The following ZEB2 variants were observed in gnomAD, a reference collection of about 807,000 sequenced individuals.
The protein encoded by ZEB2 is zinc finger E-box-binding homeobox 2.
A neutral mutation model predicts 99.9 loss-of-function variants in ZEB2; 6 were observed. The ratio of observed to expected loss-of-function variants is 0.06; its 90% confidence interval spans 0.03 to 0.12. ZEB2 has a LOEUF of 0.12. Ranked by LOEUF, ZEB2 falls within the 10% of genes least tolerant of loss-of-function variation. ZEB2 has a pLI of 1.00. For missense variants in ZEB2, 969 were observed against 1,502.8 expected (o/e 0.64, Z 5.87); for synonymous variants, 517 against 542.5 (o/e 0.95, Z 0.65).
intron 2 of ZEB2, among the ~76,000 whole-genome samples, chr2:144,464,890 A>T (rs1704250243): frequency 6.6e-6 from 1 of 152,210 alleles, no homozygotes; most frequent in Non-Finnish European, 1.5e-5. Context: ...ACAAGCCTTA[A>T]TGAGGCGATA....
At position 144,398,456 on chromosome 2, in the gene ZEB2, G is replaced by T. The variant is rs1226087957; in HGVS notation, c.2731C>A (p.Pro911Thr). ...QSAFPPATFM[P>T]PVQTSIPGLR... ...CCAGGAATACTGGTCTGGACTGGTG[G>T]CATGAAAGTAGCAGGGGGAAATGCG... The change falls in exon 8 of 10, where the codon CCA becomes ACA. Residue 911 changes from proline (P) to threonine (T), a missense_variant. Pro to Thr is a conservative substitution (Grantham distance 38, BLOSUM62 -1). This residue lies in a region of ZEB2 where 346 missense variants were observed against 460.0 expected (regional missense o/e 0.75). Transcript: ENST00000627532. 1 of 1,614,094 alleles carries T rather than the reference G, an allele frequency of 6.2e-7. No individual in the cohort carries two copies. The highest frequency in any genetic ancestry group is 1.1e-5 in the South Asian group (1 of 91,082).
intron 2 of ZEB2, among the ~76,000 whole-genome samples, chr2:144,492,263 A>T (rs1704692279): frequency 6.6e-6 from 1 of 152,224 alleles, no homozygotes; most frequent in Admixed American, 6.5e-5. Context: ...AAAATAGCCC[A>T]ATTTTCATAA....
chr2:144,479,687 G>C lies in ZEB2; in HGVS notation c.73+37591C>G, dbSNP rs797019213. On this transcript the variant is annotated intron_variant, in intron 2 of 9. Transcript: ENST00000627532. ...AGTGTGTATGCTACTTTTTTTTGGG[G>C]GGGGGGGCGGGGGGTGGACTTTGAA... Among the ~76,000 whole-genome samples the C allele has an allele frequency of 1.1e-4, 12 of 112,056 alleles. 1 individual carries two copies. The East Asian group carries it at 2.3e-3, about 22-fold the overall frequency. 73.5% of individuals were successfully genotyped at this position (112,056 alleles called of 152,430 possible).
intron 2 of ZEB2, among the ~76,000 whole-genome samples, chr2:144,468,618 T>C: frequency 6.6e-6 from 1 of 152,106 alleles, no homozygotes; most frequent in East Asian, 1.9e-4. Context: ...AGTTAGCACA[T>C]GTGTGTGTGC....
At chr2:144,429,684 G>C (rs768446684) in intron 3 of ZEB2, 85 bp downstream of exon 3, 1 of 1,600,332 alleles carries the variant, frequency 6.2e-7, no homozygotes, top group Non-Finnish European at 8.6e-7. Flanking sequence ...TAATTATTTG[G>C]TTGTGGGCGA....
intron 2 of ZEB2, among the ~76,000 whole-genome samples, chr2:144,441,329 GC>G (rs1703915559): frequency 6.6e-6 from 1 of 152,074 alleles, no homozygotes; most frequent in African/African-American, 2.4e-5. Context: ...GGCGGCCTAA[GC>G]CTGGACGTGG....
intron 4 of ZEB2, among the ~76,000 whole-genome samples, chr2:144,412,307 C>CA (rs1703476202): frequency 6.6e-6 from 1 of 152,192 alleles, no homozygotes; most frequent in South Asian, 2.1e-4. Context: ...AGACAATATG[C>CA]ACTTGTCTTT....
At chr2:144,430,659 C>T (rs1056286654) in intron 2 of ZEB2, 1 of 169,164 alleles carries the variant, frequency 5.9e-6, no homozygotes, top group African/African-American at 2.4e-5. Flanking sequence ...ATTAATACTA[C>T]TATTGAGATG....
chr2:144,455,231 C>T (rs1297428137), intron 2 of ZEB2: 1 of 152,294 alleles, frequency 6.6e-6, no homozygotes, highest in South Asian at 2.1e-4. Context: ...TTGCTAACAA[C>T]AAGCAGCCTG....
intron 2 of ZEB2, among the ~76,000 whole-genome samples, chr2:144,484,166 G>A (rs980355241): frequency 1.3e-5 from 1 of 75,784 alleles, no homozygotes; most frequent in East Asian, 3.6e-4. Flanking sequence ...AGTTCTCCAG[G>A]GGAGCTGGAA....
intron 2 of ZEB2, among the ~76,000 whole-genome samples, chr2:144,477,699 A>C (rs1340272063): frequency 2.0e-5 from 3 of 152,314 alleles, no homozygotes; most frequent in South Asian, 2.1e-4. Flanking sequence ...TTTCGTGTGA[A>C]TACCGTGGTG....
At chr2:144,498,922 A>G (rs1226614358) in intron 2 of ZEB2, among the ~76,000 whole-genome samples, 1 of 152,192 alleles carries the variant, frequency 6.6e-6, no homozygotes, top group African/African-American at 2.4e-5. Flanking sequence ...GAATGAATGA[A>G]TGAATAAAGA....
chr2:144,401,820 C>A (rs2149878243), intron 6 of ZEB2, among the ~76,000 whole-genome samples: 1 of 152,028 alleles, frequency 6.6e-6, no homozygotes, highest in South Asian at 2.1e-4. Flanking sequence ...AGAAAAAAAA[C>A]CCAATCCCAA....
intron 2 of ZEB2, among the ~76,000 whole-genome samples, chr2:144,481,498 T>A (rs1365464822): frequency 6.6e-6 from 1 of 152,228 alleles, no homozygotes. Flanking sequence ...GGGAGACTTC[T>A]AAATTCTAGA....
intron 2 of ZEB2, among the ~76,000 whole-genome samples, chr2:144,453,559 ATAAATTAAAATGAGATT>A (rs1476567935): frequency 6.6e-6 from 1 of 152,226 alleles, no homozygotes; most frequent in African/African-American, 2.4e-5. Context: ...GTCACTTTAA[ATAAATTAAAATGAGATT>A]TAGAAAAACA....
Position 144,398,370 on chromosome 2 carries a change from G to A in ZEB2, c.2817C>T (p.Tyr939=). The change falls in exon 8 of 10, where the codon TAC becomes TAT. Residue 939 remains tyrosine, a synonymous_variant. Transcript: ENST00000627532. ...MSFLPHMAYT[Y]PTGAATFADM... ...CAGCAAAAGTAGCTGCTCCAGTTGG[G>A]TAGGTGTAGGCCATATGTGGTAGGA... 1.2e-6 allele frequency: 2 copies of A among 1,614,040 alleles called. No homozygotes were observed. The highest frequency in any genetic ancestry group is 1.7e-5 in the Admixed American group (1 of 60,018).
intron 2 of ZEB2, among the ~76,000 whole-genome samples, chr2:144,476,230 C>T (rs957012278): frequency 6.6e-6 from 1 of 151,958 alleles, no homozygotes; most frequent in Non-Finnish European, 1.5e-5. Context: ...AACCACAGCA[C>T]CAAAGGCTTC....
chr2:144,417,432 T>A (rs1400500529), intron 4 of ZEB2, among the ~76,000 whole-genome samples: 2 of 152,134 alleles, frequency 1.3e-5, no homozygotes, highest in African/African-American at 4.8e-5. Context: ...AAGAAAAAAA[T>A]ATATATGATT....
chr2:144,512,784 C>T (rs566730235), intron 2 of ZEB2: 4 of 1,287,046 alleles, frequency 3.1e-6, no homozygotes, highest in Non-Finnish European at 1.0e-6. Context: ...AGATACATAG[C>T]CCCCAGCCTT....
Sources: gnomAD v4.1 joint callset for allele counts (sites outside exome capture counted in the v4.1 genomes callset) on GRCh38, gnomAD v4.1.1 for gene constraint, gnomAD v4.1.1 regional missense constraint, MANE v1.5 for transcripts, NCBI Gene and HGNC (gene_info 2026-07-23, HGNC 2026-07-21) for gene names.